Variants in PROS1 observed in about 807,000 individuals in gnomAD.
The protein encoded by PROS1 is protein S, also known as vitamin K-dependent protein S.
In PROS1, 29 loss-of-function variants were observed where a neutral mutation model predicts 75.9. That is an observed-to-expected ratio of 0.38 (90% CI 0.28 to 0.52). The LOEUF (loss-of-function observed/expected upper bound fraction) is 0.52, where lower values mean the gene tolerates loss of function less well. PROS1 is among the 20% of genes least tolerant of loss of function. PROS1 has a pLI of 0.83. For synonymous variants in PROS1, 245 were observed against 280.6 expected (o/e 0.87, Z 1.27); for missense variants, 680 against 810.3 (o/e 0.84, Z 1.95).
intron 6 of PROS1, 139 bp downstream of exon 6, chr3:93,905,645 A>G: frequency 1.1e-6 from 1 of 918,086 alleles, no homozygotes; most frequent in Non-Finnish European, 1.7e-6. Flanking sequence ...CCACAGTATC[A>G]CAAGGCTTCA....
At chr3:93,917,909 GC>G (rs1254135451) in intron 3 of PROS1, among the ~76,000 whole-genome samples, 2 of 152,100 alleles carry the variant, frequency 1.3e-5, no homozygotes, top group Admixed American at 6.5e-5. Flanking sequence ...TCCTTGATGA[GC>G]CCCACCCCCT....
intron 4 of PROS1, among the ~76,000 whole-genome samples, chr3:93,909,456 C>A (rs1428883334): frequency 1.3e-4 from 18 of 136,130 alleles, no homozygotes; most frequent in African/African-American, 3.9e-4. Flanking sequence ...AAAAAAAAAA[C>A]GTACAAGTAA....
chr3:93,920,489 G>T (rs558464932), intron 3 of PROS1, among the ~76,000 whole-genome samples: 4 of 152,134 alleles, frequency 2.6e-5, no homozygotes, highest in South Asian at 4.1e-4. Context: ...CTTGCATAAA[G>T]AACTACTATG....
chr3:93,894,944 A>G (rs958406597), intron 9 of PROS1, among the ~76,000 whole-genome samples: 1 of 152,204 alleles, frequency 6.6e-6, no homozygotes, highest in Admixed American at 6.5e-5. Context: ...AGATCAAACT[A>G]CTATGAATCG....
rs191480065 is a variant in PROS1 at position 93,925,323 on chromosome 3, C to G, written c.235-1059G>C. ...CCAGAACTGAGTCAAAGGCCTCATT[C>G]TTTCCTCCTCTCATATAAACCTACA... is the stretch of plus-strand genomic sequence containing the variant. On this transcript the variant is annotated intron_variant, in intron 2 of 14. Coordinates refer to ENST00000394236, the MANE Select transcript of PROS1 (RefSeq NM_000313.4). Among the ~76,000 whole-genome samples the G allele has an allele frequency of 3.5e-3, 530 of 152,260 alleles. 5 individuals carry two copies. The highest frequency in any genetic ancestry group is 0.012 in the African/African-American group (487 of 41,536).
chr3:93,945,038 C>T (rs756921855), intron 1 of PROS1, among the ~76,000 whole-genome samples: 1 of 152,134 alleles, frequency 6.6e-6, no homozygotes. Flanking sequence ...ACTATGAACA[C>T]CTCTATGCAA....
intron 3 of PROS1, chr3:93,910,977 C>G (rs1233453818): frequency 2.4e-6 from 1 of 409,296 alleles, no homozygotes; most frequent in African/African-American, 2.0e-5. Context: ...GTGAAAAAAA[C>G]CTTGATTTAG....
chr3:93,933,657 C>T lies in PROS1; in HGVS notation c.77-6250G>A, dbSNP rs577530800. On this transcript the variant is annotated intron_variant, in intron 1 of 14. Coordinates refer to ENST00000394236, the MANE Select transcript of PROS1 (RefSeq NM_000313.4). ...AATTAATAATGGGCTGGCGTGGTGG[C>T]CCACACCTGTAATCCCAACACTCTG... is the stretch of plus-strand genomic sequence containing the variant. Among the ~76,000 whole-genome samples, 4 of 152,194 alleles carry T rather than the reference C, an allele frequency of 2.6e-5. No individual in the cohort carries two copies. The East Asian group carries it at 7.7e-4, about 29-fold the overall frequency.
intron 1 of PROS1, among the ~76,000 whole-genome samples, chr3:93,933,321 T>A (rs971643856): frequency 1.3e-5 from 2 of 152,152 alleles, no homozygotes; most frequent in African/African-American, 4.8e-5. Context: ...GCACATGTAA[T>A]CCCAACACAT....
chr3:93,960,570 C>G (rs1426982369), intron 1 of PROS1, among the ~76,000 whole-genome samples: 2 of 87,732 alleles, frequency 2.3e-5, no homozygotes, highest in Non-Finnish European at 4.0e-5. Flanking sequence ...TTTGCAGGAA[C>G]TTTGGATGCT....
chr3:93,937,169 T>G (rs1709196261), intron 1 of PROS1, among the ~76,000 whole-genome samples: 2 of 152,104 alleles, frequency 1.3e-5, no homozygotes, highest in Non-Finnish European at 2.9e-5. Context: ...GTGTACAGTT[T>G]CTGTCCCTTT....
chr3:93,930,693 T>A (rs1431338173), intron 1 of PROS1, among the ~76,000 whole-genome samples: 1 of 152,246 alleles, frequency 6.6e-6, no homozygotes, highest in Non-Finnish European at 1.5e-5. Context: ...GCCAAGGTTT[T>A]TGAGTTCTTG....
chr3:93,889,001 C>G (rs1009384333), intron 10 of PROS1, among the ~76,000 whole-genome samples: 1 of 152,200 alleles, frequency 6.6e-6, no homozygotes, highest in Non-Finnish European at 1.5e-5. Flanking sequence ...CTACACTACT[C>G]TGTGTTATTC....
At chr3:93,929,787 A>G (rs1363022755) in intron 1 of PROS1, among the ~76,000 whole-genome samples, 1 of 152,240 alleles carries the variant, frequency 6.6e-6, no homozygotes, top group Non-Finnish European at 1.5e-5. Flanking sequence ...TAGCATGTTA[A>G]TACAGCTTTT....
At chr3:93,900,607 A>C (rs1218853896) in intron 7 of PROS1, among the ~76,000 whole-genome samples, 197 bp downstream of exon 7, 1 of 152,204 alleles carries the variant, frequency 6.6e-6, no homozygotes. Flanking sequence ...CGTGCCTAAC[A>C]CCAAACTTAA....
rs544648218 is a variant in PROS1 at position 93,926,697 on chromosome 3, A to T, written c.234+553T>A. Among the ~76,000 whole-genome samples, 51 of 152,340 alleles carry T rather than the reference A, an allele frequency of 3.3e-4. No homozygotes were observed. In the South Asian group the frequency reaches 0.01, roughly 31 times the overall value. On this transcript the variant is annotated intron_variant, in intron 2 of 14. Transcript: ENST00000394236. ...ATGAAGCATTGTAATAATAATCCAAACTAGCATGCATGCGTGCGCGCGCAC... is the reference window on the plus strand; with the variant it reads ...ATGAAGCATTGTAATAATAATCCAATCTAGCATGCATGCGTGCGCGCGCAC...
intron 11 of PROS1, among the ~76,000 whole-genome samples, chr3:93,885,473 G>T (rs8178650): frequency 6.6e-6 from 1 of 152,046 alleles, no homozygotes; most frequent in Admixed American, 6.6e-5. Flanking sequence ...TGATCCACCC[G>T]CCTCGGCCTC....
intron 8 of PROS1, among the ~76,000 whole-genome samples, chr3:93,898,173 A>G (rs183334140): frequency 6.6e-6 from 1 of 152,190 alleles, no homozygotes; most frequent in Non-Finnish European, 1.5e-5. Flanking sequence ...TTAAGTAAAC[A>G]TACAAGTTGT....
chr3:93,901,582 C>G (rs761675031), intron 6 of PROS1, among the ~76,000 whole-genome samples: 1 of 152,006 alleles, frequency 6.6e-6, no homozygotes, highest in Admixed American at 6.6e-5. Context: ...TCAATGGAGA[C>G]GGAATTATTA....
Sources: allele counts gnomAD v4.1 joint callset (sites outside exome capture counted in the v4.1 genomes callset), GRCh38; gene constraint gnomAD v4.1.1; transcripts MANE v1.5; gene names NCBI Gene and HGNC (gene_info 2026-07-23, HGNC 2026-07-21).